ATG7: variants seen among roughly 807,000 people sequenced by gnomAD.
The protein encoded by ATG7 is autophagy related 7.
Under a neutral mutation model 82.4 loss-of-function variants are expected in ATG7, and 70 were observed. That is an observed-to-expected ratio of 0.85 (90% CI 0.70 to 1.04). The LOEUF (loss-of-function observed/expected upper bound fraction) is 1.04. ATG7 is among the 50% of genes least tolerant of loss of function. The pLI, the probability that ATG7 is intolerant of heterozygous loss-of-function variation, is 0.00. For synonymous variants in ATG7, 287 were observed against 313.0 expected, an observed-to-expected ratio of 0.92 and a Z score of 0.88; for missense variants, 792 against 864.3, an observed-to-expected ratio of 0.92 and a Z score of 1.05.
chr3:11,363,708 T>C (rs2076419346), intron 17 of ATG7, among the ~76,000 whole-genome samples: 2 of 152,254 alleles, frequency 1.3e-5, no homozygotes. Flanking sequence ...GGCTCCAGAC[T>C]ATGTTTAATG....
chr3:11,488,532 C>T (rs908950890), intron 20 of ATG7: 175 of 1,127,992 alleles, frequency 1.6e-4, no homozygotes, highest in South Asian at 6.1e-4. Context: ...CGCACTGCCC[C>T]GGGCCGCAGC....
At chr3:11,477,073 C>A in intron 20 of ATG7, 2 of 1,275,458 alleles carry the variant, frequency 1.6e-6, no homozygotes, top group Non-Finnish European at 1.0e-6. Flanking sequence ...ATTTAACTGG[C>A]AATCAGTTAT....
chr3:11,354,387 C>T (rs1003922187), intron 14 of ATG7, among the ~76,000 whole-genome samples: 2 of 152,126 alleles, frequency 1.3e-5, no homozygotes, highest in Non-Finnish European at 2.9e-5. Context: ...CAATTGCTCA[C>T]GCCTGTAATC....
intron 18 of ATG7, among the ~76,000 whole-genome samples, chr3:11,366,971 CTGTGTGTGTGTGTGTGTGTG>C (rs60183965): frequency 2.9e-5 from 4 of 139,690 alleles, no homozygotes; most frequent in Non-Finnish European, 6.2e-5. Flanking sequence ...ATGGGAAAAG[CTGTGTGTGTGTGTGTGTGTG>C]TGTGTGTGTG....
At chr3:11,553,277 GGTAGATGTGAGGTCAC>G (rs1395579734) in intron 20 of ATG7, among the ~76,000 whole-genome samples, 2 of 9,768 alleles carry the variant, frequency 2.0e-4, no homozygotes, top group Non-Finnish European at 4.5e-4. Flanking sequence ...TCACCTCACA[GGTAGATGTGAGGTCAC>G]CTCACAGGTA....
chr3:11,389,232 CAAAAA>C (rs752930553), intron 19 of ATG7, among the ~76,000 whole-genome samples: 15 of 57,264 alleles, frequency 2.6e-4, no homozygotes, highest in Middle Eastern at 0.02. Flanking sequence ...GACCCTGTCT[CAAAAA>C]AAAAAAAAAA....
intron 16 of ATG7, among the ~76,000 whole-genome samples, chr3:11,362,162 T>C (rs190584424): frequency 1.2e-4 from 18 of 152,286 alleles, no homozygotes; most frequent in Non-Finnish European, 1.2e-4. Flanking sequence ...AAAATTTTTA[T>C]AGAGTCAAAA....
chr3:11,354,063 G>A (rs952426622), intron 14 of ATG7, among the ~76,000 whole-genome samples: 8 of 152,070 alleles, frequency 5.3e-5, no homozygotes, highest in African/African-American at 1.9e-4. Flanking sequence ...TAAAATATAT[G>A]TATCCCAGAC....
chr3:11,568,567 C>A, the ATG7 span: 1 of 1,554,372 alleles, frequency 6.4e-7, no homozygotes, highest in Non-Finnish European at 8.7e-7. The surrounding 1 kb of genome is among the most constrained non-coding windows in gnomAD (Gnocchi z 5.9). Context: ...GCCTGGAGAA[C>A]TGGCTGGTTA....
the ATG7 span, among the ~76,000 whole-genome samples, chr3:11,569,078 A>T: frequency 1.3e-5 from 2 of 152,246 alleles, no homozygotes. Flanking sequence ...ATCTGGGGAA[A>T]AGTAAACCAG....
chr3:11,453,508 G>A (rs896803707), intron 20 of ATG7, among the ~76,000 whole-genome samples: 12 of 152,174 alleles, frequency 7.9e-5, no homozygotes, highest in African/African-American at 2.9e-4. Flanking sequence ...TGGAGAAGTA[G>A]GCGGGAGGAA....
Position 11,528,059 on chromosome 3 carries a change from A to G in ATG7, c.2080-26752A>G, listed in dbSNP as rs181432905. ...CCCACGTGTGGTCCCTTCTGCTTCA[A>G]TTGTGGGCCTTCTGTTGCCTTCTCA... On this transcript the variant is annotated intron_variant, in intron 20 of 20. Transcript: ENST00000693202. Among the ~76,000 whole-genome samples, 305 of 152,274 alleles carry G rather than the reference A, an allele frequency of 2.0e-3. 3 individuals carry two copies. Among genetic ancestry groups the G allele is most frequent in the African/African-American group, 6.5e-3 (268 of 41,548 alleles).
At position 11,440,620 on chromosome 3, in the gene ATG7, G is replaced by A. The variant is rs572075972; in HGVS notation, c.2079+13694G>A. 6.9e-5 allele frequency among the ~76,000 whole-genome samples: 10 copies of A among 145,940 alleles called. 1 individual carries two copies. In the South Asian group the frequency reaches 1.3e-3, roughly 19 times the overall value. On this transcript the variant is annotated intron_variant, in intron 20 of 20. Coordinates refer to ENST00000693202, the MANE Select transcript of ATG7 (RefSeq NM_001349232.2). ...ATTACAGGCGTGAGCCACCGCGCCC[G>A]GCCTTTACTCTTAATTTCCCTTTAC...
At chr3:11,499,878 A>C (rs2091191888) in intron 20 of ATG7, among the ~76,000 whole-genome samples, 1 of 152,178 alleles carries the variant, frequency 6.6e-6, no homozygotes, top group Admixed American at 6.5e-5. Flanking sequence ...GTATCATACC[A>C]GTCTTGTGCA....
chr3:11,325,239 A>ATGAC (rs1194194684), intron 9 of ATG7, among the ~76,000 whole-genome samples: 1 of 152,184 alleles, frequency 6.6e-6, no homozygotes, highest in Admixed American at 6.5e-5. Context: ...ATCGTTAAGC[A>ATGAC]TGACTGTCAT....
chr3:11,485,827 G>C (rs2089561192), intron 20 of ATG7, among the ~76,000 whole-genome samples: 1 of 152,166 alleles, frequency 6.6e-6, no homozygotes, highest in Non-Finnish European at 1.5e-5. Context: ...GCTTTTCTCA[G>C]TTTCGTCAAA....
intron 20 of ATG7, among the ~76,000 whole-genome samples, chr3:11,480,163 C>A (rs1418681965): frequency 2.0e-5 from 3 of 152,120 alleles, no homozygotes; most frequent in African/African-American, 7.2e-5. Flanking sequence ...GATCTCCTGA[C>A]CTCGAGATCC....
intron 17 of ATG7, chr3:11,363,214 C>A: frequency 4.4e-6 from 1 of 228,810 alleles, no homozygotes; most frequent in Non-Finnish European, 8.5e-6. Flanking sequence ...CTGTTCTAAG[C>A]ACCTTAGAAA....
chr3:11,512,368 G>A (rs191889453), intron 20 of ATG7, among the ~76,000 whole-genome samples: 3 of 152,220 alleles, frequency 2.0e-5, no homozygotes, highest in Non-Finnish European at 4.4e-5. Context: ...TGGTGCTGCA[G>A]CTTGGCCAAG....
Sources: gnomAD v4.1 joint callset for allele counts (sites outside exome capture counted in the v4.1 genomes callset) on GRCh38, gnomAD v4.1.1 for gene constraint, Gnocchi (gnomAD v3.1) non-coding constraint, MANE v1.5 for transcripts, NCBI Gene and HGNC (gene_info 2026-07-23, HGNC 2026-07-21) for gene names.